Variants in MAST2 observed in about 807,000 individuals in gnomAD.
MAST2 encodes microtubule-associated serine/threonine-protein kinase 2.
A neutral mutation model predicts 147.4 loss-of-function variants in MAST2; 70 were observed. The observed-to-expected ratio is 0.47, with a 90% CI of 0.39 to 0.58. The LOEUF is 0.58. Among genes scored for constraint, MAST2 ranks in the 20% least tolerant of loss-of-function variants. The pLI, the probability that MAST2 is intolerant of heterozygous loss-of-function variation, is 0.00. For missense variants in MAST2, 2,080 were observed against 2,302.3 expected, an observed-to-expected ratio of 0.90 and a Z score of 1.98; for synonymous variants, 869 against 896.8, an observed-to-expected ratio of 0.97 and a Z score of 0.55.
chr1:45,875,602 T>C (rs750140337), intron 3 of MAST2, among the ~76,000 whole-genome samples: 1 of 152,116 alleles, frequency 6.6e-6, no homozygotes, highest in Non-Finnish European at 1.5e-5. Flanking sequence ...GAGGATGTTA[T>C]AGGATGATGG....
At chr1:45,881,555 A>G (rs1394718289) in intron 3 of MAST2, among the ~76,000 whole-genome samples, 1 of 152,190 alleles carries the variant, frequency 6.6e-6, no homozygotes, top group Non-Finnish European at 1.5e-5. Flanking sequence ...CAGGGGCCCC[A>G]GCTGTTATCG....
chr1:45,817,584 C>T (rs1381599591), intron 1 of MAST2, among the ~76,000 whole-genome samples: 1 of 152,112 alleles, frequency 6.6e-6, no homozygotes, highest in Non-Finnish European at 1.5e-5. Context: ...AAAGGGAGTT[C>T]TTCAATCTGA....
rs749679895 is a variant in MAST2, at chr1:46,029,813, T to TGTC, written c.2321-17_2321-15dup. On this transcript the variant is annotated splice_polypyrimidine_tract_variant and intron_variant, in intron 19 of 28. Coordinates refer to ENST00000361297, the MANE Select transcript of MAST2 (RefSeq NM_015112.3). Reference sequence around the variant, plus strand: ...GCTGCTCATCCTACCCCCTTGCCCATGTCCTCCCTGTCCACAGGCAGTGCC... The same window carrying TGTC: ...GCTGCTCATCCTACCCCCTTGCCCATGTCGTCCTCCCTGTCCACAGGCAGTGCC... The TGTC allele has an allele frequency of 5.6e-6, 9 of 1,613,562 alleles. No individual in the cohort carries two copies. In the South Asian group the frequency reaches 9.9e-5, roughly 18 times the overall value.
At chr1:45,811,976 G>A (rs1384905856) in intron 1 of MAST2, among the ~76,000 whole-genome samples, 1 of 151,864 alleles carries the variant, frequency 6.6e-6, no homozygotes, top group Non-Finnish European at 1.5e-5. Context: ...CACCATGTTG[G>A]CCAGGCTGGT....
At chr1:46,005,116 A>G (rs1426482284) in intron 7 of MAST2, among the ~76,000 whole-genome samples, 2 of 152,238 alleles carry the variant, frequency 1.3e-5, no homozygotes, top group Non-Finnish European at 2.9e-5. Flanking sequence ...TAATCCCAGC[A>G]CTTTGGGAGG....
chr1:45,869,265 G>T (rs1646284741), intron 3 of MAST2, among the ~76,000 whole-genome samples: 1 of 152,130 alleles, frequency 6.6e-6, no homozygotes, highest in South Asian at 2.1e-4. Flanking sequence ...AGGATAATCA[G>T]TCCAGCCTCA....
At chr1:46,001,004 G>C (rs924519225) in intron 6 of MAST2, 14 of 1,288,940 alleles carry the variant, frequency 1.1e-5, no homozygotes, top group Middle Eastern at 2.1e-4. Context: ...AATGGGGAGA[G>C]GGGCTGGGAA....
intron 3 of MAST2, among the ~76,000 whole-genome samples, chr1:45,862,520 G>A (rs1170952320): frequency 6.8e-6 from 1 of 146,362 alleles, no homozygotes; most frequent in Non-Finnish European, 1.5e-5. Context: ...TTGAGTGGCT[G>A]GAGTGCAGTG....
chr1:46,030,020 C>T lies in MAST2; in HGVS notation c.2443+67C>T, dbSNP rs1461060520. On this transcript the variant is annotated intron_variant, in intron 20 of 28. Transcript: ENST00000361297. ...GTTTGCCTAGAAACACCTGTGCACA[C>T]TGAAATTGCATTGGGAGCAACTTCT... The T allele has an allele frequency of 2.5e-6, 4 of 1,607,634 alleles. No homozygotes were observed. In the African/African-American group the frequency reaches 4.0e-5, roughly 16 times the overall value.
intron 26 of MAST2, among the ~76,000 whole-genome samples, chr1:46,033,272 CAAAAA>C: frequency 1.1e-5 from 1 of 95,132 alleles, no homozygotes; most frequent in African/African-American, 4.0e-5. Context: ...ACTCTGTTTC[CAAAAA>C]AAAAAAAAAA....
intron 5 of MAST2, among the ~76,000 whole-genome samples, chr1:45,984,901 A>G (rs1009098334): frequency 2.0e-5 from 3 of 152,156 alleles, no homozygotes; most frequent in African/African-American, 4.8e-5. Flanking sequence ...AATATGAGCT[A>G]TCTTCAATCA....
chr1:45,999,932 A>G (rs1252271874), intron 6 of MAST2, among the ~76,000 whole-genome samples: 1 of 152,232 alleles, frequency 6.6e-6, no homozygotes, highest in Non-Finnish European at 1.5e-5. Flanking sequence ...GGGAAGACAA[A>G]TGAGTAGTGG....
In MAST2 at chr1:45,964,123, T is replaced by A. The variant is rs552767699; in HGVS notation, c.592+4646T>A. Among the ~76,000 whole-genome samples the A allele has an allele frequency of 3.5e-4, 54 of 152,342 alleles. 1 individual carries two copies. The highest frequency in any genetic ancestry group is 6.0e-4 in the Non-Finnish European group (41 of 68,038). ...TGCTGCTGGATTCAGTTTGCCAGTA[T>A]TTTATTGAGGATTTTTGCATTGATG... On this transcript the variant is annotated intron_variant, in intron 5 of 28. Transcript: ENST00000361297.
At position 45,909,112 on chromosome 1, in the gene MAST2, A is replaced by G. The variant is rs57341607; in HGVS notation, c.500+26717A>G. ...CTTTTTACATCAAATGTAAAGCTAT[A>G]AAATTCTCATTTATTTCTACTTTCT... On this transcript the variant is annotated intron_variant, in intron 4 of 28. Coordinates refer to ENST00000361297, the MANE Select transcript of MAST2 (RefSeq NM_015112.3). 3.5e-3 allele frequency among the ~76,000 whole-genome samples: 535 copies of G among 152,286 alleles called. 2 individuals carry two copies. The highest frequency in any genetic ancestry group is 0.012 in the African/African-American group (486 of 41,570).
rs771876562 is a variant in MAST2, at chr1:45,917,482, G to A, written c.500+35087G>A. On this transcript the variant is annotated intron_variant, in intron 4 of 28. Transcript: ENST00000361297. ...CCTCTTGCCATTTTCCTGAACCCAC[G>A]AGCCCACAGCAGTCCTGGCACTCCT... The A allele has an allele frequency of 5.1e-6, 7 of 1,366,362 alleles. No individual in the cohort carries two copies. The South Asian group carries it at 5.7e-5, about 11-fold the overall frequency. The allele number at this position is 1,366,362 out of a possible 1,614,324, so 84.6% of individuals were successfully genotyped here.
At chr1:45,993,108 C>A (rs1644912863) in intron 5 of MAST2, among the ~76,000 whole-genome samples, 1 of 151,816 alleles carries the variant, frequency 6.6e-6, no homozygotes, top group Non-Finnish European at 1.5e-5. Flanking sequence ...TTGTAAATCC[C>A]ACACTATTAT....
chr1:45,917,534 G>T, intron 4 of MAST2: 6 of 1,366,366 alleles, frequency 4.4e-6, no homozygotes, highest in Non-Finnish European at 5.9e-6. Flanking sequence ...TGCCGTGGAG[G>T]TAAGGAAACT....
At chr1:45,860,757 G>C (rs1169052761) in intron 3 of MAST2, among the ~76,000 whole-genome samples, 1 of 151,780 alleles carries the variant, frequency 6.6e-6, no homozygotes, top group Non-Finnish European at 1.5e-5. Flanking sequence ...ACTTGAACCT[G>C]GGAGGCAGAG....
At chr1:45,897,101 T>C (rs1317415038) in intron 4 of MAST2, among the ~76,000 whole-genome samples, 2 of 152,218 alleles carry the variant, frequency 1.3e-5, no homozygotes, top group Non-Finnish European at 2.9e-5. Flanking sequence ...AGCTATGGTT[T>C]CTCCTTCTTT....
Sources: gnomAD v4.1 joint callset for allele counts (sites outside exome capture counted in the v4.1 genomes callset) on GRCh38, gnomAD v4.1.1 for gene constraint, MANE v1.5 for transcripts, NCBI Gene and HGNC (gene_info 2026-07-23, HGNC 2026-07-21) for gene names.